The following RBFOX1 variants were observed in gnomAD, a reference collection of about 807,000 sequenced individuals.
RBFOX1 encodes the protein RNA binding fox-1 homolog 1, also known as RNA binding protein fox-1 homolog 1.
A neutral mutation model predicts 57.7 loss-of-function variants in RBFOX1; 8 were observed. The observed-to-expected ratio is 0.14, with a 90% confidence interval of 0.08 to 0.25. RBFOX1 has a LOEUF of 0.25. RBFOX1 is among the 10% of genes least tolerant of loss of function. The pLI is 1.00. For synonymous variants in RBFOX1, 326 were observed against 222.4 expected (o/e 1.47, Z -4.15); for missense variants, 611 against 548.5 (o/e 1.11, Z -1.14).
intron 3 of RBFOX1, among the ~76,000 whole-genome samples, chr16:6,892,619 A>C (rs1377068690): frequency 6.6e-6 from 1 of 152,158 alleles, no homozygotes; most frequent in Non-Finnish European, 1.5e-5. Flanking sequence ...GCAGTAAGGC[A>C]AGATTGCACC....
At chr16:5,692,165 CTGTGTGTGTGTGTGTGTGTG>C (rs199585814) in intron 3 of RBFOX1, among the ~76,000 whole-genome samples, 38 of 22,898 alleles carry the variant, frequency 1.7e-3, no homozygotes, top group South Asian at 0.015. Flanking sequence ...TAGGGACTGA[CTGTGTGTGTGTGTGTGTGTG>C]TGTGTGTGTG....
intron 3 of RBFOX1, among the ~76,000 whole-genome samples, chr16:5,833,604 G>A (rs1173641676): frequency 6.6e-6 from 1 of 152,020 alleles, no homozygotes; most frequent in African/African-American, 2.4e-5. Flanking sequence ...ATACAGTGTG[G>A]CCAATTAAGA....
chr16:6,510,009 G>C (rs1310923991), intron 2 of RBFOX1, among the ~76,000 whole-genome samples: 1 of 152,024 alleles, frequency 6.6e-6, no homozygotes, highest in East Asian at 2.0e-4. Context: ...TGCGATTCAG[G>C]GCAGGGGTGG....
chr16:5,900,701 G>A (rs1285012057), intron 4 of RBFOX1, among the ~76,000 whole-genome samples: 1 of 152,134 alleles, frequency 6.6e-6, no homozygotes, highest in African/African-American at 2.4e-5. Context: ...CAAGTCATGC[G>A]GGGTTCTTGG....
At chr16:5,979,633 G>A (rs1234140742) in intron 4 of RBFOX1, among the ~76,000 whole-genome samples, 1 of 152,128 alleles carries the variant, frequency 6.6e-6, no homozygotes, top group Non-Finnish European at 1.5e-5. Flanking sequence ...GGAGTACGAC[G>A]CAGATGGATC....
At chr16:6,202,728 A>G (rs180807412) in intron 1 of RBFOX1, among the ~76,000 whole-genome samples, 19 of 152,264 alleles carry the variant, frequency 1.2e-4, no homozygotes, top group Non-Finnish European at 2.4e-4. Flanking sequence ...GTATTTATCC[A>G]TCACCTCCAA....
intron 3 of RBFOX1, among the ~76,000 whole-genome samples, chr16:6,874,989 T>G (rs990441261): frequency 6.6e-6 from 1 of 152,192 alleles, no homozygotes; most frequent in Non-Finnish European, 1.5e-5. Context: ...GTTACTAATC[T>G]TAAAAATGAT....
chr16:6,872,310 C>G (rs1234592536), intron 3 of RBFOX1, among the ~76,000 whole-genome samples: 1 of 152,166 alleles, frequency 6.6e-6, no homozygotes, highest in Non-Finnish European at 1.5e-5. Context: ...TCTCTGCAGT[C>G]TGTCTCCCTC....
chr16:7,665,853 C>G (rs1167743842), intron 13 of RBFOX1, among the ~76,000 whole-genome samples: 2 of 152,078 alleles, frequency 1.3e-5, no homozygotes, highest in Non-Finnish European at 2.9e-5. Flanking sequence ...GTATCATGTA[C>G]TAGAAGATGA....
intron 1 of RBFOX1, among the ~76,000 whole-genome samples, chr16:6,241,142 G>C (rs1326515591): frequency 6.6e-6 from 1 of 152,176 alleles, no homozygotes; most frequent in Admixed American, 6.5e-5. Context: ...TAATGTAGAG[G>C]AAAGCCCAGC....
chr16:5,454,759 C>CCT lies in RBFOX1; in HGVS notation c.220-12457_220-12456insCT, dbSNP rs1443026348. Among the ~76,000 whole-genome samples, 20 of 75,968 alleles carry CCT rather than the reference C, an allele frequency of 2.6e-4. 1 individual carries two copies. The highest frequency in any genetic ancestry group is 8.7e-4 in the African/African-American group (17 of 19,596). The allele number at this position is 75,968 out of a possible 152,430, so 49.8% of individuals were successfully genotyped here. On this transcript the variant is annotated intron_variant, in intron 1 of 2. Coordinates refer to the RBFOX1 transcript ENST00000585867. ...TCTTTCTTTCTTTTTCTTTTCTTTTCTTTCTTTCTCTTTCTTTCTTTCTTT... is the reference window on the plus strand; with the variant it reads ...TCTTTCTTTCTTTTTCTTTTCTTTTCCTTTTCTTTCTCTTTCTTTCTTTCTTT...
In RBFOX1 at chr16:7,451,512, A is replaced by G. The variant is rs76675847; in HGVS notation, c.28-66635A>G. 6.7e-3 allele frequency among the ~76,000 whole-genome samples: 1,021 copies of G among 152,178 alleles called. 10 individuals are homozygous for G. Among genetic ancestry groups the G allele is most frequent in the African/African-American group, 0.023 (934 of 41,510 alleles). Reference sequence around the variant, plus strand: ...CTGCAAATGGCAACTTCATGTATCAACTTATAAGCAGTGGTGGAGGAGATC... The same window carrying G: ...CTGCAAATGGCAACTTCATGTATCAGCTTATAAGCAGTGGTGGAGGAGATC... On this transcript the variant is annotated intron_variant, in intron 4 of 15. Coordinates refer to ENST00000550418, the MANE Select transcript of RBFOX1 (RefSeq NM_018723.4).
At chr16:5,721,013 A>G (rs77295739) in intron 3 of RBFOX1, among the ~76,000 whole-genome samples, 112 of 152,338 alleles carry the variant, frequency 7.4e-4, no homozygotes, top group African/African-American at 2.5e-3. Context: ...CTGTAGATCA[A>G]TTTGAGAGGT....
chr16:7,472,898 A>C (rs975479515), intron 4 of RBFOX1, among the ~76,000 whole-genome samples: 1 of 152,238 alleles, frequency 6.6e-6, no homozygotes, highest in Non-Finnish European at 1.5e-5. Flanking sequence ...CTTTATTAAG[A>C]GCAAACGCAA....
chr16:5,546,759 TG>T (rs1356720360), intron 2 of RBFOX1, among the ~76,000 whole-genome samples: 3 of 152,164 alleles, frequency 2.0e-5, no homozygotes, highest in Non-Finnish European at 4.4e-5. Context: ...ATTTTAAAAT[TG>T]GCAAATTGAA....
chr16:6,826,361 G>A (rs1341328673), intron 3 of RBFOX1, among the ~76,000 whole-genome samples: 1 of 152,110 alleles, frequency 6.6e-6, no homozygotes, highest in African/African-American at 2.4e-5. Context: ...TACAGAAAAA[G>A]GGAGGGGTGC....
intron 4 of RBFOX1, among the ~76,000 whole-genome samples, chr16:7,165,928 G>GCACACA (rs1567535708): frequency 1.5e-4 from 11 of 75,462 alleles, no homozygotes; most frequent in African/African-American, 5.7e-4. Flanking sequence ...CCCACCGCAT[G>GCACACA]CACATACACA....
At chr16:6,736,947 A>G (rs1380122488) in intron 3 of RBFOX1, among the ~76,000 whole-genome samples, 3 of 152,192 alleles carry the variant, frequency 2.0e-5, no homozygotes, top group Non-Finnish European at 4.4e-5. Context: ...CTGTGAAGTT[A>G]GCATCGGGAA....
intron 1 of RBFOX1, among the ~76,000 whole-genome samples, chr16:6,296,641 C>G (rs760251075): frequency 6.6e-6 from 1 of 152,208 alleles, no homozygotes; most frequent in Non-Finnish European, 1.5e-5. Flanking sequence ...GGGATGGTCT[C>G]GATCTCCTGA....
Sources: gnomAD v4.1 joint callset for allele counts (sites outside exome capture counted in the v4.1 genomes callset) on GRCh38, gnomAD v4.1.1 for gene constraint, MANE v1.5 for transcripts, NCBI Gene and HGNC (gene_info 2026-07-23, HGNC 2026-07-21) for gene names.